CCDC32: variants seen among roughly 807,000 people sequenced by gnomAD.
CCDC32 encodes the protein coiled-coil domain containing 32, also known as coiled-coil domain-containing protein 32.
A neutral mutation model predicts 20.1 loss-of-function variants in CCDC32; 9 were observed. The ratio of observed to expected loss-of-function variants is 0.45; its 90% confidence interval spans 0.27 to 0.78. The LOEUF (loss-of-function observed/expected upper bound fraction) is 0.78. CCDC32 is among the 30% of genes least tolerant of loss of function. The pLI is 0.16. For missense variants in CCDC32, 204 were observed against 215.5 expected (o/e 0.95, Z 0.33); for synonymous variants, 63 against 79.0 (o/e 0.80, Z 1.07).
intron 3 of CCDC32, among the ~76,000 whole-genome samples, chr15:40,555,235 G>A (rs1346048340): frequency 1.3e-5 from 2 of 152,192 alleles, no homozygotes; most frequent in Non-Finnish European, 2.9e-5. Context: ...CACAGCTCAG[G>A]GGAATCAGGT....
the CCDC32 span, among the ~76,000 whole-genome samples, chr15:40,523,147 A>G: frequency 6.6e-6 from 1 of 151,126 alleles, no homozygotes; most frequent in African/African-American, 2.4e-5. Context: ...CAGCCTCCCA[A>G]AGTGCTGGGA....
At chr15:40,563,060 G>A (rs1388604740) in intron 1 of CCDC32, 33 bp from the exon 2 acceptor site, 15 of 1,600,718 alleles carry the variant, frequency 9.4e-6, no homozygotes, top group South Asian at 2.2e-5. Context: ...AGTAAGAACT[G>A]GCTTTAAGAA....
At chr15:40,563,102 A>G in intron 1 of CCDC32, 75 bp from the exon 2 acceptor site, 1 of 1,503,558 alleles carries the variant, frequency 6.7e-7, no homozygotes, top group Admixed American at 1.9e-5. Context: ...GTGGCTCACG[A>G]CTGTAATCCC....
At chr15:40,563,424 G>T (rs977652094) in intron 1 of CCDC32, among the ~76,000 whole-genome samples, 1 of 152,070 alleles carries the variant, frequency 6.6e-6, no homozygotes, top group Admixed American at 6.6e-5. Context: ...ACAAAAGGCA[G>T]ATACTGTGAT....
At chr15:40,533,420 G>A (rs4924479), downstream of CCDC32, among the ~76,000 whole-genome samples, 72,427 of 151,894 alleles carry the variant, frequency 0.48, 19,465 homozygotes, top group East Asian at 0.75. Flanking sequence ...CGTGATCTCA[G>A]CTCACTGCAA....
At chr15:40,551,120 C>T (rs899045082), downstream of CCDC32, among the ~76,000 whole-genome samples, 1 of 152,088 alleles carries the variant, frequency 6.6e-6, no homozygotes, top group Middle Eastern at 3.2e-3. Context: ...CGGTGGCTGA[C>T]GCCTGTAATC....
rs1889987382 is a variant in CCDC32, at chr15:40,553,240, A to G, written c.*731T>C. 1.0e-6 allele frequency: 1 copy of G among 985,492 alleles called. No individual in the cohort carries two copies. Among genetic ancestry groups the G allele is most frequent in the Non-Finnish European group, 1.2e-6 (1 of 829,958 alleles). The allele number at this position is 985,492 out of a possible 1,614,324, so 61.0% of individuals were successfully genotyped here. A position where few individuals can be genotyped will look rare whatever the true frequency, so the allele number is the denominator to read the frequency against. ...AGGAGTAGTGTCAAACACTAACACC[A>G]TATTTACAAGTCTAATTTGGAACCT... On this transcript the variant is annotated 3_prime_UTR_variant, in exon 4 of 4. Coordinates refer to ENST00000416810, the MANE Select transcript of CCDC32 (RefSeq NM_001080792.4).
intron 3 of CCDC32, among the ~76,000 whole-genome samples, chr15:40,529,882 C>T (rs1190887354): frequency 6.6e-6 from 1 of 151,022 alleles, no homozygotes; most frequent in Non-Finnish European, 1.5e-5. Context: ...AGGATGGTCT[C>T]GATCTCCTGA....
At chr15:40,532,082 C>T (rs1187066997), downstream of CCDC32, 1 of 463,584 alleles carries the variant, frequency 2.2e-6, no homozygotes. Context: ...GCATAAAGAA[C>T]ATTTTGCTAA....
At chr15:40,535,297 T>G (rs1303550890), downstream of CCDC32, 1 of 1,285,966 alleles carries the variant, frequency 7.8e-7, no homozygotes, top group Non-Finnish European at 9.9e-7. Flanking sequence ...ATGAGCACCT[T>G]GTAGGTGATG....
downstream of CCDC32, among the ~76,000 whole-genome samples, chr15:40,549,036 A>G (rs1057180007): frequency 1.3e-5 from 2 of 152,250 alleles, no homozygotes; most frequent in Non-Finnish European, 2.9e-5. Context: ...ATAAAAACAA[A>G]GAAAAACCAT....
Position 40,557,275 on chromosome 15 carries a change from C to T in CCDC32, c.342G>A (p.Arg114=). The T allele has an allele frequency of 6.2e-7, 1 of 1,614,204 alleles. No individual in the cohort carries two copies. The highest frequency in any genetic ancestry group is 8.5e-7 in the Non-Finnish European group (1 of 1,180,032). The change falls in exon 3 of 4, where the codon CGG becomes CGA. Residue 114 remains arginine, a synonymous_variant. Coordinates refer to ENST00000416810, the MANE Select transcript of CCDC32 (RefSeq NM_001080792.4). Reference sequence around the variant, plus strand: ...CTGAAGCTAACTTCTCCTGGAGGAACCGATCCCAGCATTCCTTCTTGGCTT... The same window carrying T: ...CTGAAGCTAACTTCTCCTGGAGGAATCGATCCCAGCATTCCTTCTTGGCTT... ...LAQAKKECWD[R]FLQEKLASEF... is the part of the protein sequence containing the mutation.
intron 3 of CCDC32, among the ~76,000 whole-genome samples, chr15:40,547,575 G>T (rs1889672940): frequency 6.6e-6 from 1 of 152,164 alleles, no homozygotes; most frequent in Non-Finnish European, 1.5e-5. Flanking sequence ...CCTGGGTAGG[G>T]GGTTTCTGCT....
At chr15:40,534,509 G>C (rs1449734946), downstream of CCDC32, 1 of 165,308 alleles carries the variant, frequency 6.0e-6, no homozygotes, top group East Asian at 1.8e-4. Flanking sequence ...AAAACCATCA[G>C]ATCTCGTGAG....
At position 40,554,603 on chromosome 15, in the gene CCDC32, A is replaced by AT. The variant is rs919699573; in HGVS notation, c.402-477dup. Among the ~76,000 whole-genome samples the AT allele has an allele frequency of 1.3e-3, 188 of 149,954 alleles. 2 individuals are homozygous for AT. Among genetic ancestry groups the AT allele is most frequent in the African/African-American group, 2.4e-3 (98 of 40,952 alleles). On this transcript the variant is annotated intron_variant, in intron 3 of 3. Coordinates refer to ENST00000416810, the MANE Select transcript of CCDC32 (RefSeq NM_001080792.4). The stretch of plus-strand genomic sequence containing the variant: ...TTATAGCACTTACTTGCACTAAGTG[A>AT]TTTTTTTTTTGTGTGGGGTTTTTGT...
downstream of CCDC32, among the ~76,000 whole-genome samples, chr15:40,551,209 C>G (rs1487234448): frequency 6.6e-6 from 1 of 152,054 alleles, no homozygotes; most frequent in Non-Finnish European, 1.5e-5. Flanking sequence ...GGTGAAACCC[C>G]GTCTCTACTA....
At chr15:40,529,102 G>A (rs932706726) in intron 3 of CCDC32, among the ~76,000 whole-genome samples, 1 of 152,228 alleles carries the variant, frequency 6.6e-6, no homozygotes, top group African/African-American at 2.4e-5. Flanking sequence ...ACTAGAAGCT[G>A]CCGCTCTGCA....
downstream of CCDC32, chr15:40,534,775 C>T (rs1174449179): frequency 4.6e-6 from 3 of 653,544 alleles, no homozygotes; most frequent in African/African-American, 1.8e-5. Context: ...CTCTCATGAC[C>T]TAATTACCTC....
chr15:40,534,872 G>C (rs1889041052), downstream of CCDC32: 1 of 702,304 alleles, frequency 1.4e-6, no homozygotes, highest in East Asian at 2.7e-5. Context: ...ACAGTCCATT[G>C]CACCATCAAA....
Sources: gnomAD v4.1 joint callset for allele counts (sites outside exome capture counted in the v4.1 genomes callset) on GRCh38, gnomAD v4.1.1 for gene constraint, MANE v1.5 for transcripts, NCBI Gene and HGNC (gene_info 2026-07-23, HGNC 2026-07-21) for gene names.